Variants in ZBED5 observed in about 807,000 individuals in gnomAD.
The protein encoded by ZBED5 is zinc finger BED-type containing 5.
In ZBED5, 29 loss-of-function variants were observed where a neutral mutation model predicts 49.2. The ratio of observed to expected loss-of-function variants is 0.59; its 90% CI spans 0.44 to 0.80. The LOEUF is 0.80. ZBED5 is among the 30% of genes least tolerant of loss of function. The pLI, the probability that ZBED5 is intolerant of heterozygous loss-of-function variation, is 0.00. For missense variants in ZBED5, 775 were observed against 812.9 expected (o/e 0.95, Z 0.57); for synonymous variants, 281 against 292.5 (o/e 0.96, Z 0.40).
rs186099137 is a variant in ZBED5, at chr11:10,854,350, T to C, written c.596A>G (p.Asn199Ser). The C allele has an allele frequency of 3.0e-5, 47 of 1,550,758 alleles. No individual in the cohort carries two copies. The African/African-American group carries it at 4.0e-4, about 13-fold the overall frequency. The change falls in exon 3 of 3, where the codon AAT becomes AGT. Residue 199 changes from asparagine to serine, a missense_variant. Coordinates refer to ENST00000413761, the MANE Select transcript of ZBED5 (RefSeq NM_001143667.2). The surrounding 1 kb of genome is among the most constrained non-coding windows in gnomAD (Gnocchi z 5.0). ...ACTCAGCGCTATATGGTAACTTACA[T>C]TGTATGATGCTTCTGTAGCACTTTC... ...DNESATEASY[N>S]VSYHIALSGE... is the part of the protein sequence containing the mutation.
rs1233068397 is a variant in ZBED5, at chr11:10,853,538, A to G, written c.1408T>C (p.Trp470Arg). 3 of 1,549,802 alleles carry G rather than the reference A, an allele frequency of 1.9e-6. No individual in the cohort carries two copies. The highest frequency in any genetic ancestry group is 2.7e-5 in the African/African-American group (2 of 72,924). ...RLSDCLTNSSWLLRLAYLADI... is the reference protein window; with the variant it reads ...RLSDCLTNSSRLLRLAYLADI... ...GCAAGATATGCAAGTCTTAGCAGCC[A>G]AGATGAATTTGTTAAACAATCAGAT... Residue 470 changes from tryptophan to arginine, a missense_variant, in exon 3 of 3, where the codon TGG becomes CGG. Transcript: ENST00000413761. The surrounding 1 kb of genome is among the most constrained non-coding windows in gnomAD (Gnocchi z 5.4).
At position 10,854,551 on chromosome 11, in the gene ZBED5, C is replaced by T. The variant is rs1848154653; in HGVS notation, c.395G>A (p.Cys132Tyr). The change falls in exon 3 of 3, where the codon TGT becomes TAT. Residue 132 changes from cysteine to tyrosine, a missense_variant. By Grantham distance (194) the Cys-to-Tyr change is radical. Coordinates refer to ENST00000413761, the MANE Select transcript of ZBED5 (RefSeq NM_001143667.2). This position sits in a 1 kb window ranked among gnomAD's most constrained non-coding sequence, Gnocchi z 5.0. ...TGATAAAATTTTCTTACATAATACA[C>T]ACTGAGCATGAGGTGCATCTCTATT... ...FGNRDAPHAQ[C>Y]VLCKKILSNS... The T allele has an allele frequency of 6.4e-7, 1 of 1,551,396 alleles. No homozygotes were observed. Among genetic ancestry groups the T allele is most frequent in the African/African-American group, 1.4e-5 (1 of 73,050 alleles).
intron 1 of ZBED5, among the ~76,000 whole-genome samples, chr11:10,856,977 G>A (rs147776126): frequency 2.6e-5 from 4 of 152,166 alleles, no homozygotes; most frequent in Non-Finnish European, 1.5e-5. Flanking sequence ...GTTATGCAGC[G>A]AAACGGATGA....
At position 10,855,618 on chromosome 11, in the gene ZBED5, C is replaced by A. The variant is rs747734893; in HGVS notation, c.-142+526G>T. ...TTGATACTATTATATATCTGAAGTC[C>A]CTTCAGGGCTAGCAACAATTCTGAA... On this transcript the variant is annotated intron_variant, in intron 2 of 2. Transcript: ENST00000413761. The surrounding 1 kb of genome is among the most constrained non-coding windows in gnomAD (Gnocchi z 4.1). The A allele has an allele frequency of 1.3e-5, 2 of 152,070 alleles. No individual in the cohort carries two copies. The highest frequency in any genetic ancestry group is 2.9e-5 in the Non-Finnish European group (2 of 68,010). The allele number at this position is 152,070 out of a possible 1,614,324, so 9.4% of individuals were successfully genotyped here. A position where few individuals can be genotyped will look rare whatever the true frequency, so the allele number is the denominator to read the frequency against.
Position 10,852,994 on chromosome 11 carries a change from T to C in ZBED5, c.1952A>G (p.Tyr651Cys). The C allele has an allele frequency of 6.4e-7, 1 of 1,551,658 alleles. No individual in the cohort carries two copies. Among genetic ancestry groups the C allele is most frequent in the Non-Finnish European group, 8.7e-7 (1 of 1,146,954 alleles). The change falls in exon 3 of 3, where the codon TAC (tyrosine) becomes TGC (cysteine). Residue 651 changes from tyrosine to cysteine, a missense_variant. Coordinates refer to ENST00000413761, the MANE Select transcript of ZBED5 (RefSeq NM_001143667.2). ...CCTATATTTTGTTTTTGTTGCAGCGTAATATGAAAACCCCGTTTCACACAG... is the reference window on the plus strand; with the variant it reads ...CCTATATTTTGTTTTTGTTGCAGCGCAATATGAAAACCCCGTTTCACACAG... ...MHLCETGFSY[Y>C]AATKTKYRKR...
Position 10,853,523 on chromosome 11 carries a change from C to T in ZBED5, c.1423G>A (p.Ala475Thr). ...TTAGTAAAAATATCTGCAAGATATG[C>T]AAGTCTTAGCAGCCAAGATGAATTT... is the stretch of plus-strand genomic sequence containing the variant. Reference protein sequence around the residue: ...LTNSSWLLRLAYLADIFTKLN... With the variant: ...LTNSSWLLRLTYLADIFTKLN... Residue 475 changes from alanine (A) to threonine (T), a missense_variant, in exon 3 of 3, where the codon GCA (alanine) becomes ACA (threonine). Physicochemically the swap from Ala to Thr is moderately conservative, Grantham distance 58. Transcript: ENST00000413761. The surrounding 1 kb of genome is among the most constrained non-coding windows in gnomAD (Gnocchi z 5.4). 6.5e-7 allele frequency: 1 copy of T among 1,550,386 alleles called. No homozygotes were observed. The highest frequency in any genetic ancestry group is 1.2e-5 in the South Asian group (1 of 83,836).
At chr11:10,856,122 T>C (rs1308670811) in intron 2 of ZBED5, 22 bp downstream of exon 2, 1 of 152,196 alleles carries the variant, frequency 6.6e-6, no homozygotes, top group Non-Finnish European at 1.5e-5. Context: ...GTTCTCCTAT[T>C]AAGGGGTAGA....
chr11:10,856,643 C>T (rs559190705), intron 1 of ZBED5, among the ~76,000 whole-genome samples: 126 of 152,328 alleles, frequency 8.3e-4, no homozygotes, highest in Non-Finnish European at 1.3e-3. Context: ...AGTTCTTTCA[C>T]TACAATCATT....
In ZBED5 at chr11:10,854,856, G is replaced by A. The variant is rs1447164324; in HGVS notation, c.90C>T (p.Thr30=). Residue 30 remains threonine (T), a synonymous_variant, in exon 3 of 3, where the codon ACC becomes ACT. Coordinates refer to ENST00000413761, the MANE Select transcript of ZBED5 (RefSeq NM_001143667.2). The surrounding 1 kb of genome is among the most constrained non-coding windows in gnomAD (Gnocchi z 5.0). ...NVYSKLTMFC[T]TNSLPMDLLL... is the part of the protein sequence containing the mutation. Reference sequence around the variant, plus strand: ...ACAGATCCATGGGCAATGAGTTTGTGGTACAAAACATGGTTAATTTAGAAT... The same window carrying A: ...ACAGATCCATGGGCAATGAGTTTGTAGTACAAAACATGGTTAATTTAGAAT... The A allele has an allele frequency of 5.8e-6, 9 of 1,551,660 alleles. No individual in the cohort carries two copies. The East Asian group carries it at 7.3e-5, about 13-fold the overall frequency.
At position 10,854,233 on chromosome 11, in the gene ZBED5, A is replaced by G. The variant is rs1848147608; in HGVS notation, c.713T>C (p.Ile238Thr). Residue 238 changes from isoleucine to threonine, a missense_variant, in exon 3 of 3, where the codon ATA (isoleucine) becomes ACA (threonine). Coordinates refer to ENST00000413761, the MANE Select transcript of ZBED5 (RefSeq NM_001143667.2). This position sits in a 1 kb window ranked among gnomAD's most constrained non-coding sequence, Gnocchi z 5.0. ...ACTGTTTGATAGCTGTACTGCATCT[A>G]TTTTTTTACTATATTGTTCATCAAA... ...RMFDEQYSKK[I>T]DAVQLSNSTV... 1.3e-6 allele frequency: 2 copies of G among 1,550,606 alleles called. No homozygotes were observed. Among genetic ancestry groups the G allele is most frequent in the African/African-American group, 1.4e-5 (1 of 72,918 alleles).
Position 10,856,177 on chromosome 11 carries a change from C to T in ZBED5, c.-175G>A, listed in dbSNP as rs1047831775. 6.6e-6 allele frequency: 1 copy of T among 152,112 alleles called. No individual in the cohort carries two copies. Among genetic ancestry groups the T allele is most frequent in the Non-Finnish European group, 1.5e-5 (1 of 68,014 alleles). The allele number at this position is 152,112 out of a possible 1,614,324, so 9.4% of individuals were successfully genotyped here. On this transcript the variant is annotated 5_prime_UTR_variant, in exon 2 of 3. Coordinates refer to ENST00000413761, the MANE Select transcript of ZBED5 (RefSeq NM_001143667.2). Reference sequence around the variant, plus strand: ...AGGTGTTCTCCTTTCTGTAATCCCTCTCTCCACCTTGGCAGCTTGAAATGC... The same window carrying T: ...AGGTGTTCTCCTTTCTGTAATCCCTTTCTCCACCTTGGCAGCTTGAAATGC...
Position 10,853,106 on chromosome 11 carries a change from T to C in ZBED5, c.1840A>G (p.Asn614Asp). 1 of 1,551,660 alleles carries C rather than the reference T, an allele frequency of 6.4e-7. No individual in the cohort carries two copies. The highest frequency in any genetic ancestry group is 8.7e-7 in the Non-Finnish European group (1 of 1,146,970). Reference sequence around the variant, plus strand: ...TGAATTAGGCTACTCCAAAAATCATTTAGTGAAAGTTCACTAAAATTTTGC... The same window carrying C: ...TGAATTAGGCTACTCCAAAAATCATCTAGTGAAAGTTCACTAAAATTTTGC... ...VKQNFSELSLNDFWSSLIQEY... is the reference protein window; with the variant it reads ...VKQNFSELSLDDFWSSLIQEY... Residue 614 changes from asparagine (N) to aspartate (D), a missense_variant, in exon 3 of 3, where the codon AAT (asparagine) becomes GAT (aspartate). Physicochemically the swap from Asn to Asp is conservative, Grantham distance 23. Transcript: ENST00000413761. This position sits in a 1 kb window ranked among gnomAD's most constrained non-coding sequence, Gnocchi z 5.4.
chr11:10,854,558 C>T lies in ZBED5; in HGVS notation c.388G>A (p.Ala130Thr), dbSNP rs1170418640. The T allele has an allele frequency of 6.4e-7, 1 of 1,551,356 alleles. No homozygotes were observed. The highest frequency in any genetic ancestry group is 8.7e-7 in the Non-Finnish European group (1 of 1,146,936). ...TYFGNRDAPH[A>T]QCVLCKKILS... ...ATTTTCTTACATAATACACACTGAG[C>T]ATGAGGTGCATCTCTATTTCCGAAG... is the stretch of plus-strand genomic sequence containing the variant. Residue 130 changes from alanine (A) to threonine (T), a missense_variant, in exon 3 of 3, where the codon GCT (alanine) becomes ACT (threonine). Coordinates refer to ENST00000413761, the MANE Select transcript of ZBED5 (RefSeq NM_001143667.2). This position sits in a 1 kb window ranked among gnomAD's most constrained non-coding sequence, Gnocchi z 5.0.
rs1156821427 is a variant in ZBED5, at chr11:10,852,763, AATC to A, written c.*98_*100del. 2 of 1,400,774 alleles carry A rather than the reference AATC, an allele frequency of 1.4e-6. No individual in the cohort carries two copies. Among genetic ancestry groups the A allele is most frequent in the South Asian group, 1.7e-5 (1 of 57,514 alleles). 86.8% of individuals were successfully genotyped at this position (1,400,774 alleles called of 1,614,324 possible). A position where few individuals can be genotyped will look rare whatever the true frequency, so the allele number is the denominator to read the frequency against. On this transcript the variant is annotated 3_prime_UTR_variant, in exon 3 of 3. Coordinates refer to ENST00000413761, the MANE Select transcript of ZBED5 (RefSeq NM_001143667.2). Reference sequence around the variant, plus strand: ...AAATCTAAATAGTATAAAAAAATGGAATCATTTTATTTAAATCCCCCAAATACC... The same window carrying A: ...AAATCTAAATAGTATAAAAAAATGGAATTTTATTTAAATCCCCCAAATACC...
In ZBED5 at chr11:10,852,856, C is replaced by T. The variant is rs892372630; in HGVS notation, c.*8G>A. ...TGGTTATCATGAGACATGCAAACTC[C>T]TCCAATTTTAATGAGAACAGTGTTT... On this transcript the variant is annotated 3_prime_UTR_variant, in exon 3 of 3. Coordinates refer to ENST00000413761, the MANE Select transcript of ZBED5 (RefSeq NM_001143667.2). 2 of 1,510,710 alleles carry T rather than the reference C, an allele frequency of 1.3e-6. No individual in the cohort carries two copies. The highest frequency in any genetic ancestry group is 3.5e-4 in the Middle Eastern group (2 of 5,796). The allele number at this position is 1,510,710 out of a possible 1,614,324, so 93.6% of individuals were successfully genotyped here.
rs1848146303 is a variant in ZBED5 at position 10,854,187 on chromosome 11, C to G, written c.759G>C (p.Lys253Asn). 1.3e-6 allele frequency: 2 copies of G among 1,551,074 alleles called. No homozygotes were observed. Among genetic ancestry groups the G allele is most frequent in the Non-Finnish European group, 1.7e-6 (2 of 1,146,576 alleles). The change falls in exon 3 of 3, where the codon AAG becomes AAC. Residue 253 changes from lysine (K) to asparagine (N), a missense_variant. Lys to Asn is a moderately conservative substitution (Grantham distance 94). Coordinates refer to ENST00000413761, the MANE Select transcript of ZBED5 (RefSeq NM_001143667.2). This position sits in a 1 kb window ranked among gnomAD's most constrained non-coding sequence, Gnocchi z 5.0. Reference protein sequence around the residue: ...LSNSTVARRIKDLAADIEEEL... With the variant: ...LSNSTVARRINDLAADIEEEL... ...CTTCTTCAATGTCAGCAGCTAGATC[C>G]TTAATTCGACGTGCAACAGTACTGT...
At position 10,854,699 on chromosome 11, in the gene ZBED5, A is replaced by C. The variant is rs1848157596; in HGVS notation, c.247T>G (p.Ser83Ala). 1 of 1,551,242 alleles carries C rather than the reference A, an allele frequency of 6.4e-7. No homozygotes were observed. The change falls in exon 3 of 3, where the codon TCA (serine) becomes GCA (alanine). Residue 83 changes from serine to alanine, a missense_variant. Transcript: ENST00000413761. The surrounding 1 kb of genome is among the most constrained non-coding windows in gnomAD (Gnocchi z 5.0). ...KQLQPSVSKKSEGELSRVKFI... is the reference protein window; with the variant it reads ...KQLQPSVSKKAEGELSRVKFI... Reference sequence around the variant, plus strand: ...TTGACCCTGGAAAGCTCACCTTCTGATTTTTTAGAAACTGAAGGTTGCAAC... The same window carrying C: ...TTGACCCTGGAAAGCTCACCTTCTGCTTTTTTAGAAACTGAAGGTTGCAAC...
chr11:10,854,881 T>A lies in ZBED5; in HGVS notation c.65A>T (p.Tyr22Phe). The change falls in exon 3 of 3, where the codon TAT becomes TTT. Residue 22 changes from tyrosine to phenylalanine, a missense_variant. By Grantham distance (22) the Tyr-to-Phe change is conservative. Transcript: ENST00000413761. This position sits in a 1 kb window ranked among gnomAD's most constrained non-coding sequence, Gnocchi z 5.0. ...NFNTFAILNVYSKLTMFCTTN... is the reference protein window; with the variant it reads ...NFNTFAILNVFSKLTMFCTTN... ...GGTACAAAACATGGTTAATTTAGAA[T>A]AGACATTGAGTATCGCAAATGTGTT... 2 of 1,551,704 alleles carry A rather than the reference T, an allele frequency of 1.3e-6. No individual in the cohort carries two copies. Among genetic ancestry groups the A allele is most frequent in the Non-Finnish European group, 1.7e-6 (2 of 1,146,928 alleles).
chr11:10,853,426 G>A lies in ZBED5; in HGVS notation c.1520C>T (p.Ser507Leu), dbSNP rs777807827. The part of the protein sequence containing the change: ...TVFTVFDKMS[S>L]LLRKLEFWAS... ...CCAAAATTCCAATTTTCTTAACAAT[G>A]ACGACATTTTATCAAATACTGTAAA... Residue 507 changes from serine to leucine, a missense_variant, in exon 3 of 3, where the codon TCA (serine) becomes TTA (leucine). Coordinates refer to ENST00000413761, the MANE Select transcript of ZBED5 (RefSeq NM_001143667.2). This position sits in a 1 kb window ranked among gnomAD's most constrained non-coding sequence, Gnocchi z 5.4. 184 of 1,549,594 alleles carry A rather than the reference G, an allele frequency of 1.2e-4. No individual in the cohort carries two copies. The highest frequency in any genetic ancestry group is 1.6e-4 in the Non-Finnish European group (178 of 1,146,014).
Sources: allele counts gnomAD v4.1 joint callset (sites outside exome capture counted in the v4.1 genomes callset), GRCh38; gene constraint gnomAD v4.1.1; non-coding constraint Gnocchi (gnomAD v3.1); transcripts MANE v1.5; gene names NCBI Gene and HGNC (gene_info 2026-07-23, HGNC 2026-07-21).